The following ARHGAP26 variants were observed in gnomAD, a reference collection of about 807,000 sequenced individuals.
The protein encoded by ARHGAP26 is Rho GTPase activating protein 26.
A neutral mutation model predicts 104.8 loss-of-function variants in ARHGAP26; 38 were observed. The ratio of observed to expected loss-of-function variants is 0.36; its 90% confidence interval spans 0.28 to 0.48. The LOEUF (loss-of-function observed/expected upper bound fraction) is 0.48, where lower values mean the gene tolerates loss of function less well. Ranked by LOEUF, ARHGAP26 falls within the 20% of genes least tolerant of loss-of-function variation. The probability of loss-of-function intolerance (pLI) is 0.99; values close to 1 mark genes in which losing one functional copy is unlikely to be tolerated. For missense variants in ARHGAP26, 704 were observed against 947.9 expected, an observed-to-expected ratio of 0.74 and a Z score of 3.38; for synonymous variants, 341 against 340.0, an observed-to-expected ratio of 1.00 and a Z score of -0.03.
chr5:143,014,554 AT>A (rs1463097403), intron 12 of ARHGAP26, among the ~76,000 whole-genome samples: 2 of 152,142 alleles, frequency 1.3e-5, no homozygotes, highest in Non-Finnish European at 2.9e-5. Flanking sequence ...ATGTTAGGTG[AT>A]TTCTTAGTAA....
intron 12 of ARHGAP26, among the ~76,000 whole-genome samples, chr5:143,020,823 G>A (rs1166114400): frequency 1.3e-5 from 2 of 151,978 alleles, no homozygotes; most frequent in Non-Finnish European, 2.9e-5. Flanking sequence ...GTAGTTTTTA[G>A]TAGAGACAGG....
intron 3 of ARHGAP26, among the ~76,000 whole-genome samples, chr5:142,876,855 G>A (rs1598040500): frequency 6.6e-6 from 1 of 151,212 alleles, no homozygotes; most frequent in South Asian, 2.1e-4. Context: ...TTTGCCCTAC[G>A]GAAAGACCAC....
At chr5:143,076,093 G>C (rs999790239) in intron 17 of ARHGAP26, among the ~76,000 whole-genome samples, 2 of 151,642 alleles carry the variant, frequency 1.3e-5, no homozygotes, top group Non-Finnish European at 2.9e-5. Flanking sequence ...TGGACCTCCT[G>C]GGCTAAGGTG....
At chr5:143,128,081 G>T (rs918623670) in intron 18 of ARHGAP26, among the ~76,000 whole-genome samples, 1 of 152,128 alleles carries the variant, frequency 6.6e-6, no homozygotes, top group Admixed American at 6.5e-5. Context: ...ATTTACTTGG[G>T]TGTTGAGCTA....
intron 1 of ARHGAP26, chr5:142,771,130 A>G: frequency 7.6e-7 from 1 of 1,321,474 alleles, no homozygotes; most frequent in Non-Finnish European, 9.7e-7. Flanking sequence ...TTTTGCGTTC[A>G]GGGATGGTCG....
At chr5:142,838,494 A>G (rs559624067) in intron 1 of ARHGAP26, among the ~76,000 whole-genome samples, 1 of 152,346 alleles carries the variant, frequency 6.6e-6, no homozygotes, top group East Asian at 1.9e-4. Flanking sequence ...CTGGGATAGA[A>G]TCTAGGTTTA....
intron 11 of ARHGAP26, among the ~76,000 whole-genome samples, chr5:143,002,474 C>T (rs1354566420): frequency 6.6e-6 from 1 of 152,052 alleles, no homozygotes; most frequent in Non-Finnish European, 1.5e-5. Flanking sequence ...GAGGTGGTCT[C>T]TCCTCTCACC....
chr5:142,798,443 T>A (rs1265581940), intron 1 of ARHGAP26, among the ~76,000 whole-genome samples: 4 of 152,330 alleles, frequency 2.6e-5, no homozygotes, highest in Admixed American at 2.6e-4. Flanking sequence ...TGACCTTCTG[T>A]CATTGGTAGG....
chr5:143,120,617 G>T (rs1190823605), intron 17 of ARHGAP26, among the ~76,000 whole-genome samples: 2 of 152,176 alleles, frequency 1.3e-5, no homozygotes, highest in African/African-American at 4.8e-5. Flanking sequence ...GCTAACGATT[G>T]CAGTTTAAGC....
intron 1 of ARHGAP26, among the ~76,000 whole-genome samples, chr5:142,826,763 TGTGCCTATC>T (rs144634163): frequency 0.018 from 2,768 of 152,316 alleles, 55 homozygotes; most frequent in African/African-American, 0.045. Flanking sequence ...TGCTGTCCTC[TGTGCCTATC>T]TCCACCAAGC....
intron 17 of ARHGAP26, among the ~76,000 whole-genome samples, chr5:143,084,805 G>A (rs561627657): frequency 3.3e-5 from 5 of 152,202 alleles, no homozygotes; most frequent in African/African-American, 1.2e-4. Flanking sequence ...CCACACTTTG[G>A]TGAGGCCGAG....
At chr5:143,202,991 A>G (rs919750410) in intron 20 of ARHGAP26, 3 of 152,264 alleles carry the variant, frequency 2.0e-5, no homozygotes, top group African/African-American at 7.2e-5. Flanking sequence ...AAACCTAGGC[A>G]ATACCATTCA....
At chr5:142,980,587 C>T (rs1236083618) in intron 11 of ARHGAP26, among the ~76,000 whole-genome samples, 1 of 151,900 alleles carries the variant, frequency 6.6e-6, no homozygotes, top group Non-Finnish European at 1.5e-5. Flanking sequence ...TGGGGTTTCA[C>T]CATGTTGGCC....
intron 1 of ARHGAP26, among the ~76,000 whole-genome samples, chr5:142,802,919 C>G (rs1762337287): frequency 6.6e-6 from 1 of 152,186 alleles, no homozygotes; most frequent in African/African-American, 2.4e-5. Flanking sequence ...TGGGCCTACC[C>G]CATAGGGCTC....
intron 21 of ARHGAP26, 49 bp downstream of exon 21, chr5:143,207,357 A>C (rs1808728377): frequency 6.2e-7 from 1 of 1,613,812 alleles, no homozygotes; most frequent in Non-Finnish European, 8.5e-7. Context: ...TTGTTCTCTC[A>C]TTGGCTCGGT....
chr5:143,045,930 C>T (rs551154676), intron 14 of ARHGAP26, among the ~76,000 whole-genome samples: 7 of 152,248 alleles, frequency 4.6e-5, no homozygotes, highest in East Asian at 1.9e-4. Flanking sequence ...GTCAGGAGTT[C>T]GAGACCAGCC....
intron 5 of ARHGAP26, among the ~76,000 whole-genome samples, chr5:142,890,154 ATATATATATATATATATATATATATAT>A (rs1758419527): frequency 7.6e-4 from 35 of 46,218 alleles, no homozygotes; most frequent in Admixed American, 1.2e-3. Flanking sequence ...AAAAAAAAAT[ATATATATATATATATATATATATATAT>A]ATATATATAT....
At chr5:143,061,246 C>T (rs546671350) in intron 17 of ARHGAP26, among the ~76,000 whole-genome samples, 30 of 152,138 alleles carry the variant, frequency 2.0e-4, no homozygotes, top group African/African-American at 6.0e-4. Flanking sequence ...GAGCAGGACA[C>T]GAGAAAAGTA....
At chr5:142,895,521 C>G (rs895686546) in intron 6 of ARHGAP26, among the ~76,000 whole-genome samples, 1 of 152,288 alleles carries the variant, frequency 6.6e-6, no homozygotes, top group Non-Finnish European at 1.5e-5. Flanking sequence ...TGAGCCAGCA[C>G]GCCCGACCAA....
Sources: gnomAD v4.1 joint callset for allele counts (sites outside exome capture counted in the v4.1 genomes callset) on GRCh38, gnomAD v4.1.1 for gene constraint, MANE v1.5 for transcripts, NCBI Gene and HGNC (gene_info 2026-07-23, HGNC 2026-07-21) for gene names.